The following LARP1 variants were observed in gnomAD, a reference collection of about 807,000 sequenced individuals.
LARP1 encodes the protein La ribonucleoprotein 1, translational regulator.
In LARP1, 36 loss-of-function variants were observed where a neutral mutation model predicts 122.7. That is an observed-to-expected ratio of 0.29 (90% confidence interval 0.22 to 0.39). The LOEUF is 0.39. Among genes scored for constraint, LARP1 ranks in the 10% least tolerant of loss-of-function variants. The pLI is 1.00. For missense variants in LARP1, 1,040 were observed against 1,403.6 expected, an observed-to-expected ratio of 0.74 and a Z score of 4.14; for synonymous variants, 539 against 528.7, an observed-to-expected ratio of 1.02 and a Z score of -0.27.
In LARP1 at chr5:154,756,357, C is replaced by G. The variant is rs1002874075; in HGVS notation, c.436+164C>G. ...GATCCTGGTCGCCGCGCCCTCCCCC[C>G]CACCGTACACTCAGGGACCTGCCCC... On this transcript the variant is annotated intron_variant, in intron 1 of 18. Coordinates refer to ENST00000518297, the MANE Select transcript of LARP1 (RefSeq NM_033551.3). The G allele has an allele frequency of 3.0e-5, 29 of 965,672 alleles. No homozygotes were observed. In the African/African-American group the frequency reaches 4.6e-4, roughly 15 times the overall value. 59.8% of individuals were successfully genotyped at this position (965,672 alleles called of 1,614,324 possible).
chr5:154,749,260 A>T (rs1753357717), intron 1 of LARP1, among the ~76,000 whole-genome samples: 1 of 152,158 alleles, frequency 6.6e-6, no homozygotes, highest in Non-Finnish European at 1.5e-5. Flanking sequence ...AACTCCAGGG[A>T]GGGTAGTGGG....
chr5:154,684,865 G>C (rs1002057699), intron 1 of LARP1, among the ~76,000 whole-genome samples: 2 of 152,184 alleles, frequency 1.3e-5, no homozygotes, highest in Non-Finnish European at 2.9e-5. Flanking sequence ...CTACCATTGT[G>C]CACTCTCTCA....
chr5:154,715,932 T>C (rs1455735157), intron 1 of LARP1, among the ~76,000 whole-genome samples: 3 of 152,148 alleles, frequency 2.0e-5, no homozygotes, highest in Non-Finnish European at 2.9e-5. Flanking sequence ...GGAGAGAGTA[T>C]TGAAGCTCAG....
At chr5:154,764,039 T>C (rs556402439) in intron 1 of LARP1, among the ~76,000 whole-genome samples, 1 of 150,398 alleles carries the variant, frequency 6.6e-6, no homozygotes, top group African/African-American at 2.5e-5. Context: ...CTGGGTGCGG[T>C]GGTTCACGCC....
At position 154,803,242 on chromosome 5, in the gene LARP1, C is replaced by G. The variant is rs757231697; in HGVS notation, c.2110-48C>G. ...TCTTGATTCCTTAAACAGGCTAGAG[C>G]AGCCTGCTTACTTACATCTTTCCCC... On this transcript the variant is annotated intron_variant, in intron 11 of 18. Coordinates refer to ENST00000518297, the MANE Select transcript of LARP1 (RefSeq NM_033551.3). This position sits in a 1 kb window ranked among gnomAD's most constrained non-coding sequence, Gnocchi z 4.4. 5.0e-6 allele frequency: 8 copies of G among 1,612,990 alleles called. No homozygotes were observed. Among genetic ancestry groups the G allele is most frequent in the Non-Finnish European group, 6.8e-6 (8 of 1,179,060 alleles).
At chr5:154,715,888 T>G (rs2113316800) in intron 1 of LARP1, among the ~76,000 whole-genome samples, 1 of 152,292 alleles carries the variant, frequency 6.6e-6, no homozygotes, top group Admixed American at 6.5e-5. Context: ...TTATTTATCC[T>G]CACAGTAGCC....
At chr5:154,807,472 A>G (rs951821059) in intron 15 of LARP1, among the ~76,000 whole-genome samples, 4 of 152,332 alleles carry the variant, frequency 2.6e-5, no homozygotes, top group Non-Finnish European at 5.9e-5. Flanking sequence ...TTATATTTCT[A>G]AAAGCAATAT....
intron 1 of LARP1, among the ~76,000 whole-genome samples, chr5:154,756,778 A>G (rs1753961588): frequency 6.6e-6 from 1 of 152,086 alleles, no homozygotes. Context: ...TTGAGGGGTC[A>G]GTTGTGGGGA....
At chr5:154,804,709 C>A (rs1452382619) in intron 14 of LARP1, 4 of 452,914 alleles carry the variant, frequency 8.8e-6, no homozygotes, top group Admixed American at 4.8e-5. Flanking sequence ...ATTTATTGGC[C>A]CCAACCTGTA....
intron 4 of LARP1, 26 bp downstream of exon 4, chr5:154,792,822 G>T: frequency 6.2e-7 from 1 of 1,610,492 alleles, no homozygotes; most frequent in Non-Finnish European, 8.5e-7. Context: ...CAGGACTTGG[G>T]AGAAGGTGGC....
At chr5:154,696,258 G>A (rs530341400) in intron 1 of LARP1, among the ~76,000 whole-genome samples, 48 of 152,264 alleles carry the variant, frequency 3.2e-4, no homozygotes, top group African/African-American at 9.9e-4. Context: ...TTGGGAGGCT[G>A]AGGTGGGAGA....
At chr5:154,741,389 GCT>G (rs2113460202) in intron 1 of LARP1, among the ~76,000 whole-genome samples, 1 of 152,334 alleles carries the variant, frequency 6.6e-6, no homozygotes, top group East Asian at 1.9e-4. Flanking sequence ...ATAGCCACGT[GCT>G]CCAGGGTCAT....
chr5:154,813,665 G>A (rs185371664), intron 18 of LARP1, among the ~76,000 whole-genome samples: 14 of 152,264 alleles, frequency 9.2e-5, no homozygotes, highest in Admixed American at 9.2e-4. Context: ...ATGTCCATGG[G>A]TCCACATCAA....
chr5:154,804,706 G>C, intron 14 of LARP1: 1 of 436,378 alleles, frequency 2.3e-6, no homozygotes, highest in Non-Finnish European at 4.5e-6. Flanking sequence ...CATATTTATT[G>C]GCCCCAACCT....
At chr5:154,789,989 T>C (rs1328545786) in intron 1 of LARP1, among the ~76,000 whole-genome samples, 8 of 152,236 alleles carry the variant, frequency 5.3e-5, no homozygotes, top group African/African-American at 1.9e-4. Context: ...GTCCTGACTC[T>C]GGTGGCATGG....
chr5:154,735,637 C>T (rs527645815), intron 1 of LARP1, among the ~76,000 whole-genome samples: 9 of 151,234 alleles, frequency 6.0e-5, no homozygotes, highest in East Asian at 3.9e-4. Flanking sequence ...GGCGTGATCT[C>T]GGCTCATTGA....
intron 1 of LARP1, among the ~76,000 whole-genome samples, chr5:154,769,564 C>T (rs939935539): frequency 6.6e-6 from 1 of 152,094 alleles, no homozygotes; most frequent in Non-Finnish European, 1.5e-5. Context: ...ACTCACCTAG[C>T]TTTGTGGCCA....
intron 1 of LARP1, among the ~76,000 whole-genome samples, chr5:154,758,025 CT>C (rs1202845558): frequency 6.6e-6 from 1 of 151,612 alleles, no homozygotes; most frequent in Non-Finnish European, 1.5e-5. Context: ...TTAAAACACT[CT>C]TTGGTCCTTC....
intron 1 of LARP1, among the ~76,000 whole-genome samples, chr5:154,779,605 T>C (rs1756244686): frequency 6.6e-6 from 1 of 151,094 alleles, no homozygotes; most frequent in African/African-American, 2.4e-5. Context: ...ACCTCCCGGA[T>C]TCAAGCGATT....
Sources: gnomAD v4.1 joint callset for allele counts (sites outside exome capture counted in the v4.1 genomes callset) on GRCh38, gnomAD v4.1.1 for gene constraint, Gnocchi (gnomAD v3.1) non-coding constraint, MANE v1.5 for transcripts, NCBI Gene and HGNC (gene_info 2026-07-23, HGNC 2026-07-21) for gene names.